HECW1: variants seen among roughly 807,000 people sequenced by gnomAD.
HECW1 encodes the protein E3 ubiquitin-protein ligase HECW1.
HECW1 carries 61 observed loss-of-function variants against 182.3 expected under a neutral mutation model. The ratio of observed to expected loss-of-function variants is 0.33; its 90% CI spans 0.27 to 0.41. The LOEUF is 0.41. HECW1 is among the 10% of genes least tolerant of loss of function. HECW1 has a pLI of 1.00. For synonymous variants in HECW1, 859 were observed against 832.6 expected (o/e 1.03, Z -0.55); for missense variants, 1,739 against 2,108.9 (o/e 0.82, Z 3.44).
chr7:43,410,233 A>C (rs2075755704), intron 8 of HECW1, among the ~76,000 whole-genome samples: 1 of 152,182 alleles, frequency 6.6e-6, no homozygotes, highest in Non-Finnish European at 1.5e-5. Flanking sequence ...CAAAGTTCCG[A>C]AGCTGGGAAG....
At chr7:43,314,105 T>C (rs1808887083) in intron 4 of HECW1, among the ~76,000 whole-genome samples, 1 of 152,122 alleles carries the variant, frequency 6.6e-6, no homozygotes, top group South Asian at 2.1e-4. Context: ...TGAGCCACCA[T>C]GCCCAGCCCA....
At chr7:43,470,662 GA>G (rs2077982753) in intron 16 of HECW1, among the ~76,000 whole-genome samples, 1 of 152,146 alleles carries the variant, frequency 6.6e-6, no homozygotes, top group African/African-American at 2.4e-5. Flanking sequence ...TATCATACAT[GA>G]GAAAGAAAAA....
chr7:43,557,217 C>A (rs1308127171), intron 29 of HECW1, among the ~76,000 whole-genome samples: 1 of 152,152 alleles, frequency 6.6e-6, no homozygotes, highest in African/African-American at 2.4e-5. Flanking sequence ...CAAAGCAGAC[C>A]CAGGGTGGCA....
At chr7:43,265,287 G>A (rs889520849) in intron 3 of HECW1, among the ~76,000 whole-genome samples, 1 of 152,116 alleles carries the variant, frequency 6.6e-6, no homozygotes, top group Admixed American at 6.6e-5. Flanking sequence ...AAACACCTCA[G>A]CATGAAAGCT....
At chr7:43,412,685 T>C (rs2075847139) in intron 8 of HECW1, among the ~76,000 whole-genome samples, 1 of 149,058 alleles carries the variant, frequency 6.7e-6, no homozygotes, top group South Asian at 2.1e-4. Flanking sequence ...TTCCCACCTA[T>C]GAGTGAGAAT....
intron 2 of HECW1, among the ~76,000 whole-genome samples, chr7:43,134,601 G>T (rs1008031291): frequency 6.6e-6 from 1 of 151,930 alleles, no homozygotes; most frequent in Non-Finnish European, 1.5e-5. Flanking sequence ...GAACTCCTGG[G>T]CTCAAGCAAT....
intron 6 of HECW1, among the ~76,000 whole-genome samples, chr7:43,376,312 C>T (rs1165456878): frequency 1.3e-5 from 2 of 152,070 alleles, no homozygotes; most frequent in Non-Finnish European, 2.9e-5. Flanking sequence ...GCCTCAGGAA[C>T]CTGCAGAAAG....
intron 2 of HECW1, among the ~76,000 whole-genome samples, chr7:43,155,846 A>G (rs1356599800): frequency 6.6e-6 from 1 of 152,218 alleles, no homozygotes; most frequent in African/African-American, 2.4e-5. Context: ...CAGTACAACA[A>G]TCTTACAGGT....
intron 7 of HECW1, among the ~76,000 whole-genome samples, chr7:43,403,910 A>G (rs533559585): frequency 1.3e-5 from 2 of 152,336 alleles, no homozygotes; most frequent in African/African-American, 4.8e-5. Context: ...ATTATAATAA[A>G]TGTACATATG....
Position 43,456,332 on chromosome 7 carries a change from T to C in HECW1, c.2536T>C (p.Phe846Leu). The change falls in exon 13 of 30, where the codon TTT becomes CTT. Residue 846 changes from phenylalanine to leucine, a missense_variant. Phe to Leu is a conservative substitution (Grantham distance 22, BLOSUM62 0). Around this residue, in one of 5 missense-constraint regions of HECW1, gnomAD observed 971 missense variants for 1,029.1 expected, o/e 0.94. Transcript: ENST00000395891. Reference sequence around the variant, plus strand: ...TCGAATTGACAGCCACGGGCGGGTCTTTTATGTGGACCACGTGAACCGCAC... The same window carrying C: ...TCGAATTGACAGCCACGGGCGGGTCCTTTATGTGGACCACGTGAACCGCAC... ...EARIDSHGRVFYVDHVNRTTT... is the reference protein window; with the variant it reads ...EARIDSHGRVLYVDHVNRTTT... 10 of 1,613,812 alleles carry C rather than the reference T, an allele frequency of 6.2e-6. No homozygotes were observed. Among genetic ancestry groups the C allele is most frequent in the Non-Finnish European group, 8.5e-6 (10 of 1,179,810 alleles).
intron 16 of HECW1, among the ~76,000 whole-genome samples, chr7:43,478,317 G>A (rs1026331983): frequency 2.0e-5 from 3 of 152,156 alleles, no homozygotes; most frequent in Non-Finnish European, 2.9e-5. Flanking sequence ...TCAGGAGGCT[G>A]AGGCAGGAGA....
chr7:43,382,081 C>G (rs888281163), intron 6 of HECW1, among the ~76,000 whole-genome samples: 2 of 152,020 alleles, frequency 1.3e-5, no homozygotes, highest in African/African-American at 2.4e-5. Flanking sequence ...GTCAGGAGAG[C>G]GAAACCATCC....
intron 3 of HECW1, chr7:43,274,663 G>A: frequency 6.4e-6 from 2 of 310,900 alleles, no homozygotes; most frequent in South Asian, 2.9e-5. Context: ...GAGAGAGAGA[G>A]CGAGAGAGAG....
At chr7:43,336,160 C>G (rs865961378) in intron 5 of HECW1, among the ~76,000 whole-genome samples, 1 of 99,756 alleles carries the variant, frequency 1.0e-5, no homozygotes, top group Non-Finnish European at 1.9e-5. Context: ...CTCTCTCTCT[C>G]TCTCTCTCTC....
chr7:43,414,667 G>C (rs1333227874), intron 8 of HECW1, among the ~76,000 whole-genome samples: 20 of 148,606 alleles, frequency 1.3e-4, no homozygotes, highest in Middle Eastern at 3.4e-3. Context: ...TAGCATGAAG[G>C]GTTGTTGAAT....
chr7:43,474,544 T>C (rs1478581677), intron 16 of HECW1, among the ~76,000 whole-genome samples: 4 of 152,132 alleles, frequency 2.6e-5, no homozygotes, highest in Non-Finnish European at 5.9e-5. Flanking sequence ...AATAATCATG[T>C]ACCTTATGAG....
At chr7:43,246,979 A>ACCCCTCCATAC (rs1226999910) in intron 3 of HECW1, among the ~76,000 whole-genome samples, 7 of 152,044 alleles carry the variant, frequency 4.6e-5, no homozygotes, top group African/African-American at 1.7e-4. Flanking sequence ...GAGCCTGAGC[A>ACCCCTCCATAC]CCCCTCCATA....
intron 16 of HECW1, among the ~76,000 whole-genome samples, chr7:43,471,262 T>C (rs1031977048): frequency 6.6e-6 from 1 of 152,190 alleles, no homozygotes; most frequent in African/African-American, 2.4e-5. Context: ...GGTTTCACCC[T>C]CTAACTTGGA....
intron 2 of HECW1, among the ~76,000 whole-genome samples, chr7:43,165,719 A>G (rs1370512913): frequency 6.6e-6 from 1 of 152,218 alleles, no homozygotes; most frequent in African/African-American, 2.4e-5. Flanking sequence ...ACAATCAATC[A>G]TGCCAGCAGT....
Sources: allele counts gnomAD v4.1 joint callset (sites outside exome capture counted in the v4.1 genomes callset), GRCh38; gene constraint gnomAD v4.1.1; regional missense constraint gnomAD v4.1.1; transcripts MANE v1.5; gene names NCBI Gene and HGNC (gene_info 2026-07-23, HGNC 2026-07-21).